The following CTNNA3 variants were observed in gnomAD, a reference collection of about 807,000 sequenced individuals.
CTNNA3 encodes the protein catenin alpha-3.
A neutral mutation model predicts 95.7 loss-of-function variants in CTNNA3; 76 were observed. The observed-to-expected ratio is 0.79, with a 90% CI of 0.66 to 0.96. CTNNA3 has a LOEUF of 0.96. Ranked by LOEUF, CTNNA3 falls within the 40% of genes least tolerant of loss-of-function variation. The pLI is 0.00. For missense variants in CTNNA3, 1,191 were observed against 1,089.8 expected, an observed-to-expected ratio of 1.09 and a Z score of -1.31; for synonymous variants, 431 against 374.4, an observed-to-expected ratio of 1.15 and a Z score of -1.74.
chr10:66,088,216 C>T lies in CTNNA3; in HGVS notation c.1977+14941G>A, dbSNP rs148089620. On this transcript the variant is annotated intron_variant, in intron 14 of 17. Transcript: ENST00000433211. ...TTTCATAAAATATTGTTTCATATAC[C>T]AAAGATTTTGAAAGCAATATTTTAA... is the stretch of plus-strand genomic sequence containing the variant. 1.1e-3 allele frequency among the ~76,000 whole-genome samples: 164 copies of T among 151,626 alleles called. 1 individual carries two copies. Among genetic ancestry groups the T allele is most frequent in the Middle Eastern group, 6.8e-3 (2 of 292 alleles).
At chr10:66,868,884 G>A (rs1342523723) in intron 7 of CTNNA3, among the ~76,000 whole-genome samples, 1 of 152,146 alleles carries the variant, frequency 6.6e-6, no homozygotes, top group East Asian at 1.9e-4. Flanking sequence ...AAAAGTTAGA[G>A]ATGATGAGCT....
intron 10 of CTNNA3, among the ~76,000 whole-genome samples, chr10:66,532,725 A>G (rs1321320491): frequency 6.6e-6 from 1 of 152,212 alleles, no homozygotes; most frequent in Admixed American, 6.5e-5. Context: ...TAAATATTCA[A>G]TAAAGGACAA....
intron 7 of CTNNA3, among the ~76,000 whole-genome samples, chr10:66,970,102 A>G (rs1323984028): frequency 2.0e-5 from 3 of 152,124 alleles, no homozygotes; most frequent in Non-Finnish European, 4.4e-5. Flanking sequence ...CTTGTAAAAA[A>G]TCCCAGGGCC....
chr10:66,468,509 C>T (rs1839009926), intron 11 of CTNNA3, among the ~76,000 whole-genome samples: 2 of 151,842 alleles, frequency 1.3e-5, no homozygotes, highest in South Asian at 4.1e-4. Flanking sequence ...TACAAAGTTT[C>T]ATTTAGGTAG....
At chr10:66,005,352 AT>A (rs2078858254) in intron 15 of CTNNA3, among the ~76,000 whole-genome samples, 1 of 152,116 alleles carries the variant, frequency 6.6e-6, no homozygotes, top group African/African-American at 2.4e-5. Context: ...ATTTTCCTGC[AT>A]TTAAATCAAA....
intron 5 of CTNNA3, among the ~76,000 whole-genome samples, chr10:67,521,154 C>G (rs1186055313): frequency 6.6e-6 from 1 of 152,158 alleles, no homozygotes; most frequent in East Asian, 1.9e-4. Context: ...GGAGCAGATT[C>G]AGCCTAGGAA....
intron 7 of CTNNA3, among the ~76,000 whole-genome samples, chr10:67,136,963 C>A (rs527670187): frequency 2.6e-4 from 39 of 152,150 alleles, no homozygotes; most frequent in Middle Eastern, 3.4e-3. Context: ...ATAAAAAGGA[C>A]CAGGCAAGAA....
intron 14 of CTNNA3, among the ~76,000 whole-genome samples, chr10:66,097,508 T>C (rs191508374): frequency 3.9e-5 from 6 of 152,226 alleles, no homozygotes; most frequent in Admixed American, 3.9e-4. Context: ...GATAAGAAAA[T>C]TGAAAGTTAG....
intron 5 of CTNNA3, among the ~76,000 whole-genome samples, chr10:67,229,502 C>A (rs1411692615): frequency 6.6e-6 from 1 of 152,126 alleles, no homozygotes; most frequent in Non-Finnish European, 1.5e-5. Flanking sequence ...AAAGGGCATC[C>A]AAATTGGTAA....
chr10:67,607,001 C>CT lies in CTNNA3; in HGVS notation c.147dup (p.Gly50ArgfsTer37). The CT allele has an allele frequency of 6.2e-7, 1 of 1,614,026 alleles. No homozygotes were observed. Among genetic ancestry groups the CT allele is most frequent in the Non-Finnish European group, 8.5e-7 (1 of 1,179,968 alleles). ...AGGACACTGGCTCTTTTCGAACGTC[C>CT]TTTTTTCCTGCTGGAAGGGTTCTGG... On this transcript the variant is annotated frameshift_variant, in exon 3 of 18. Coordinates refer to ENST00000433211, the MANE Select transcript of CTNNA3 (RefSeq NM_013266.4). LOFTEE classifies it high-confidence loss of function.
At chr10:66,219,929 G>A (rs2088822218) in intron 13 of CTNNA3, among the ~76,000 whole-genome samples, 1 of 152,070 alleles carries the variant, frequency 6.6e-6, no homozygotes, top group African/African-American at 2.4e-5. Context: ...TTTGAGACAA[G>A]CCTGGTCAAC....
chr10:66,645,088 T>C (rs2132392920), intron 9 of CTNNA3, among the ~76,000 whole-genome samples: 1 of 152,316 alleles, frequency 6.6e-6, no homozygotes, highest in South Asian at 2.1e-4. Flanking sequence ...CAACAGTTTA[T>C]TCCTTTTTAT....
chr10:67,331,693 A>G (rs565489606), intron 5 of CTNNA3, among the ~76,000 whole-genome samples: 2 of 152,194 alleles, frequency 1.3e-5, no homozygotes, highest in Non-Finnish European at 2.9e-5. Context: ...GAGATATAGT[A>G]TCTTTCCTAG....
chr10:66,864,237 G>C (rs1407721402), intron 7 of CTNNA3, among the ~76,000 whole-genome samples: 5 of 152,132 alleles, frequency 3.3e-5, no homozygotes, highest in Non-Finnish European at 7.4e-5. Context: ...ATTAGGTCAG[G>C]AGAGCTCTGA....
At chr10:67,139,299 A>ATT (rs60290459) in intron 7 of CTNNA3, among the ~76,000 whole-genome samples, 1,213 of 117,880 alleles carry the variant, frequency 0.01, 27 homozygotes, top group African/African-American at 0.032. Flanking sequence ...CGCCCGGCTA[A>ATT]TTTTTTTTTT....
intron 11 of CTNNA3, among the ~76,000 whole-genome samples, chr10:66,430,823 C>T (rs12266770): frequency 6.6e-6 from 1 of 151,992 alleles, no homozygotes; most frequent in Non-Finnish European, 1.5e-5. Flanking sequence ...TAGGCAATAC[C>T]ATTCAGGACA....
At chr10:66,447,992 C>A (rs571359628) in intron 11 of CTNNA3, among the ~76,000 whole-genome samples, 1 of 152,232 alleles carries the variant, frequency 6.6e-6, no homozygotes, top group Admixed American at 6.5e-5. Context: ...GAAAAACAAA[C>A]AACCCCATCA....
intron 7 of CTNNA3, among the ~76,000 whole-genome samples, chr10:66,977,128 AC>A (rs1290002234): frequency 3.3e-5 from 5 of 152,090 alleles, no homozygotes; most frequent in African/African-American, 1.2e-4. Context: ...TGTTTAAAGG[AC>A]CTATAATGGG....
intron 1 of CTNNA3, among the ~76,000 whole-genome samples, chr10:67,709,115 A>G (rs1404816597): frequency 6.6e-6 from 1 of 152,156 alleles, no homozygotes; most frequent in East Asian, 1.9e-4. Flanking sequence ...ACAAATGTAG[A>G]TAGATAAGGA....
Sources: gnomAD v4.1 joint callset for allele counts (sites outside exome capture counted in the v4.1 genomes callset) on GRCh38, gnomAD v4.1.1 for gene constraint, MANE v1.5 for transcripts, NCBI Gene and HGNC (gene_info 2026-07-23, HGNC 2026-07-21) for gene names.